Variants in KNDC1 observed in about 807,000 individuals in gnomAD.
KNDC1 encodes the protein kinase non-catalytic C-lobe domain-containing protein 1.
Under a neutral mutation model 172.8 loss-of-function variants are expected in KNDC1, and 106 were observed. The ratio of observed to expected loss-of-function variants is 0.61; its 90% CI spans 0.52 to 0.72. The LOEUF is 0.72. Among genes scored for constraint, KNDC1 ranks in the 30% least tolerant of loss-of-function variants. The pLI is 0.00. For missense variants in KNDC1, 2,325 were observed against 2,394.5 expected (o/e 0.97, Z 0.61); for synonymous variants, 1,083 against 1,062.2 (o/e 1.02, Z -0.38).
chr10:133,218,446 G>C (rs548493234), intron 26 of KNDC1, among the ~76,000 whole-genome samples: 56 of 152,340 alleles, frequency 3.7e-4, no homozygotes, highest in African/African-American at 1.3e-3. Flanking sequence ...GCACGGAGCT[G>C]CCTGTGGCTC....
Position 133,220,016 on chromosome 10 carries a change from C to G in KNDC1, c.4922C>G (p.Thr1641Ser). Residue 1641 changes from threonine (T) to serine (S), a missense_variant, in exon 29 of 30, where the codon ACC (threonine) becomes AGC (serine). Coordinates refer to ENST00000304613, the MANE Select transcript of KNDC1 (RefSeq NM_152643.8). ...GGGCGGCGCTTCCGGGCGCAGCCCA[C>G]CCTGCCCTCGGCCCACCTCCTGGCC... is the stretch of plus-strand genomic sequence containing the variant. ...MEGRRFRAQP[T>S]LPSAHLLAMH... 1 of 1,554,658 alleles carries G rather than the reference C, an allele frequency of 6.4e-7. No homozygotes were observed. Among genetic ancestry groups the G allele is most frequent in the Non-Finnish European group, 8.7e-7 (1 of 1,148,988 alleles).
chr10:133,179,374 C>A (rs975255932), intron 3 of KNDC1: 39 of 152,268 alleles, frequency 2.6e-4, no homozygotes, highest in African/African-American at 8.2e-4. Flanking sequence ...ACGCTGAGTG[C>A]TGCAGCCGCA....
At position 133,198,597 on chromosome 10, in the gene KNDC1, CAGG is replaced by C. The variant is rs1854264505; in HGVS notation, c.2095_2097del (p.Glu699del). ...CCGTAGGGACCAGCCTGCCTTGGCC[CAGG>C]AGGAGTCCGAGGAGAGGGGCGGCCA... On this transcript the variant is annotated inframe_deletion, in exon 14 of 30. Transcript: ENST00000304613. The C allele has an allele frequency of 6.3e-7, 1 of 1,595,968 alleles. No homozygotes were observed. Among genetic ancestry groups the C allele is most frequent in the East Asian group, 2.3e-5 (1 of 44,440 alleles).
chr10:133,166,298 C>T (rs1853150624), intron 1 of KNDC1, among the ~76,000 whole-genome samples: 2 of 152,218 alleles, frequency 1.3e-5, no homozygotes, highest in African/African-American at 4.8e-5. Context: ...CCCCCGGCCA[C>T]CCCCTCCTAC....
intron 20 of KNDC1, among the ~76,000 whole-genome samples, chr10:133,208,058 T>G (rs1055120468): frequency 3.9e-5 from 6 of 152,184 alleles, no homozygotes; most frequent in African/African-American, 1.4e-4. Context: ...CAACCCCATG[T>G]TGGCTTATGG....
At position 133,171,576 on chromosome 10, in the gene KNDC1, G is replaced by A. The variant is rs182571687; in HGVS notation, c.360+3264G>A. ...CATGAGCCACTGGCCCCGGCCAATT[G>A]TATTGTCCTCTTTTTAATTACATTT... On this transcript the variant is annotated intron_variant, in intron 3 of 29. Coordinates refer to ENST00000304613, the MANE Select transcript of KNDC1 (RefSeq NM_152643.8). 6.2e-3 allele frequency among the ~76,000 whole-genome samples: 931 copies of A among 149,328 alleles called. 1 individual carries two copies. The highest frequency in any genetic ancestry group is 0.01 in the Non-Finnish European group (675 of 67,218).
intron 29 of KNDC1, among the ~76,000 whole-genome samples, chr10:133,222,282 CA>C (rs557486015): frequency 4.8e-4 from 59 of 123,808 alleles, no homozygotes; most frequent in Middle Eastern, 4.1e-3. Flanking sequence ...GACTCCGTCT[CA>C]AAAAAAAAAA....
rs1853220102 is a variant in KNDC1 at position 133,167,719 on chromosome 10, C to T, written c.301+140C>T. ...GGGTTTCCTGTGGAGACCTTCTCTT[C>T]CTTGGGAGGGACTCAGGCTGGAGAG... On this transcript the variant is annotated intron_variant, in intron 2 of 29. Coordinates refer to ENST00000304613, the MANE Select transcript of KNDC1 (RefSeq NM_152643.8). 4.2e-6 allele frequency: 4 copies of T among 963,228 alleles called. No individual in the cohort carries two copies. In the South Asian group the frequency reaches 6.2e-5, roughly 15 times the overall value. The allele number at this position is 963,228 out of a possible 1,614,324, so 59.7% of individuals were successfully genotyped here. A position where few individuals can be genotyped will look rare whatever the true frequency, so the allele number is the denominator to read the frequency against.
intron 24 of KNDC1, among the ~76,000 whole-genome samples, chr10:133,213,285 C>A (rs1035947818): frequency 9.9e-5 from 15 of 152,224 alleles, no homozygotes; most frequent in Admixed American, 2.0e-4. Flanking sequence ...TTCCTTGTGC[C>A]CCCACCCAGC....
intron 7 of KNDC1, among the ~76,000 whole-genome samples, chr10:133,188,985 C>T (rs1421680226): frequency 1.3e-5 from 2 of 151,976 alleles, no homozygotes; most frequent in East Asian, 1.9e-4. Flanking sequence ...TAAAGAGGAA[C>T]GGGGACTTTG....
chr10:133,198,746 TGGGGCGTCAGTGCAGCGTGACTCAGCCCA>T lies in KNDC1; in HGVS notation c.2242_2270del (p.Ala748ProfsTer43), dbSNP rs781013806. The T allele has an allele frequency of 1.9e-6, 3 of 1,580,980 alleles. No individual in the cohort carries two copies. The highest frequency in any genetic ancestry group is 2.6e-6 in the Non-Finnish European group (3 of 1,164,520). ...CACAGGGAGCAGCCCCAGAGCCTCT[TGGGGCGTCAGTGCAGCGTGACTCAGCCCA>T]GGGCCGCCCCTGCCCTCCACCCCAG... On this transcript the variant is annotated frameshift_variant, in exon 14 of 30. Coordinates refer to ENST00000304613, the MANE Select transcript of KNDC1 (RefSeq NM_152643.8). LOFTEE classifies it high-confidence loss of function.
intron 9 of KNDC1, 90 bp downstream of exon 9, chr10:133,189,903 A>G: frequency 9.0e-7 from 1 of 1,106,176 alleles, no homozygotes; most frequent in Non-Finnish European, 1.3e-6. Context: ...CCCCATCAGG[A>G]CTCGAGGGAG....
intron 9 of KNDC1, among the ~76,000 whole-genome samples, chr10:133,195,034 T>C (rs1056221872): frequency 2.2e-4 from 33 of 152,242 alleles, no homozygotes; most frequent in African/African-American, 7.0e-4. Context: ...CCAACACTCA[T>C]GTCAGCAGCA....
chr10:133,207,854 G>T (rs970497842), intron 20 of KNDC1, among the ~76,000 whole-genome samples: 1 of 152,290 alleles, frequency 6.6e-6, no homozygotes, highest in East Asian at 1.9e-4. Flanking sequence ...AGGAGCCGCC[G>T]GGCCCACTCA....
intron 3 of KNDC1, among the ~76,000 whole-genome samples, chr10:133,171,850 A>G (rs891598081): frequency 6.6e-6 from 1 of 152,034 alleles, no homozygotes; most frequent in Non-Finnish European, 1.5e-5. Flanking sequence ...TCCTGGGCTC[A>G]AGTGATTTTC....
At chr10:133,210,865 G>T (rs1012218361) in intron 21 of KNDC1, 141 bp downstream of exon 21, 46 of 746,910 alleles carry the variant, frequency 6.2e-5, no homozygotes, top group African/African-American at 6.0e-4. Flanking sequence ...AGCCTGGCTG[G>T]AGGTCCGGCT....
At chr10:133,201,214 G>A (rs547316504) in intron 16 of KNDC1, among the ~76,000 whole-genome samples, 2 of 152,162 alleles carry the variant, frequency 1.3e-5, no homozygotes, top group Non-Finnish European at 2.9e-5. Flanking sequence ...GACAGGGCCC[G>A]GCCCCACCCC....
intron 22 of KNDC1, 32 bp from the exon 23 acceptor site, chr10:133,211,647 A>G (rs768654178): frequency 6.3e-7 from 1 of 1,591,072 alleles, no homozygotes; most frequent in South Asian, 1.1e-5. Flanking sequence ...AGAAGGTGGC[A>G]GTGACCCCCC....
chr10:133,197,144 G>A lies in KNDC1; in HGVS notation c.1812+9G>A. On this transcript the variant is annotated intron_variant, in intron 11 of 29. Transcript: ENST00000304613. The stretch of plus-strand genomic sequence containing the variant: ...GAGCTTCCATCTGCCAGGTGGGCTA[G>A]AACAGCCAGGCCGCCGCCTCCTCCG... The A allele has an allele frequency of 6.2e-7, 1 of 1,610,274 alleles. No individual in the cohort carries two copies. Among genetic ancestry groups the A allele is most frequent in the South Asian group, 1.1e-5 (1 of 90,874 alleles).
Sources: gnomAD v4.1 joint callset for allele counts (sites outside exome capture counted in the v4.1 genomes callset) on GRCh38, gnomAD v4.1.1 for gene constraint, MANE v1.5 for transcripts, NCBI Gene and HGNC (gene_info 2026-07-23, HGNC 2026-07-21) for gene names.